The following PPME1 variants were observed in gnomAD, a reference collection of about 807,000 sequenced individuals.
The protein encoded by PPME1 is testicular secretory protein Li 39.
Under a neutral mutation model 56.9 loss-of-function variants are expected in PPME1, and 17 were observed. The observed-to-expected ratio is 0.30, with a 90% confidence interval of 0.20 to 0.45. The LOEUF (loss-of-function observed/expected upper bound fraction) is 0.45. PPME1 is among the 20% of genes least tolerant of loss of function. The pLI is 1.00. For missense variants in PPME1, 357 were observed against 483.2 expected (o/e 0.74, Z 2.45); for synonymous variants, 122 against 156.2 (o/e 0.78, Z 1.63).
chr11:74,231,059 CTTAT>C (rs566820737), intron 7 of PPME1, 57 bp downstream of exon 7: 1,161 of 1,415,090 alleles, frequency 8.2e-4, no homozygotes, highest in Non-Finnish European at 1.0e-3. Context: ...TGTTTGCTTG[CTTAT>C]TTATTTATTT....
intron 1 of PPME1, among the ~76,000 whole-genome samples, chr11:74,175,458 G>A (rs1426131825): frequency 6.6e-6 from 1 of 151,792 alleles, no homozygotes; most frequent in Non-Finnish European, 1.5e-5. Flanking sequence ...CCGAGATCGC[G>A]CCATTGCACT....
rs756849807 is a variant in PPME1 at position 74,235,926 on chromosome 11, C to G, written c.670C>G (p.Leu224Val). The G allele has an allele frequency of 3.7e-6, 6 of 1,612,432 alleles. No homozygotes were observed. In the Admixed American group the frequency reaches 8.4e-5, roughly 22 times the overall value. Residue 224 changes from leucine to valine, a missense_variant, in exon 8 of 14, where the codon CTG becomes GTG. Coordinates refer to ENST00000328257, the MANE Select transcript of PPME1 (RefSeq NM_016147.3). ...WSVKSGQIRN[L>V]ESARVSMVGQ... The stretch of plus-strand genomic sequence containing the variant: ...TGTGAAGAGTGGCCAGATTCGAAAT[C>G]TGGAGTCTGCCCGTGTCTCAATGGT...
At position 74,204,380 on chromosome 11, in the gene PPME1, G is replaced by A. The variant is rs1858267203; in HGVS notation, c.223G>A (p.Glu75Lys). 3 of 1,613,380 alleles carry A rather than the reference G, an allele frequency of 1.9e-6. No individual in the cohort carries two copies. The highest frequency in any genetic ancestry group is 1.7e-6 in the Non-Finnish European group (2 of 1,179,474). Residue 75 changes from glutamate (E) to lysine (K), a missense_variant, in exon 3 of 14, where the codon GAG (glutamate) becomes AAG (lysine). Around this residue, in one of 2 missense-constraint regions of PPME1, gnomAD observed 175 missense variants for 189.4 expected, o/e 0.92. Coordinates refer to ENST00000328257, the MANE Select transcript of PPME1 (RefSeq NM_016147.3). ...TTTTCGAGTCTACAAGAGTGGTTCA[G>A]AGGGTCCAGTCCTGCTCCTTCTGCA... is the stretch of plus-strand genomic sequence containing the variant. ...DTFRVYKSGS[E>K]GPVLLLLHGG...
At chr11:74,233,518 A>C (rs1024245583) in intron 7 of PPME1, among the ~76,000 whole-genome samples, 1 of 152,092 alleles carries the variant, frequency 6.6e-6, no homozygotes, top group Non-Finnish European at 1.5e-5. Flanking sequence ...AGTCATTAAG[A>C]ACCTGGGCTT....
rs915520506 is a variant in PPME1 at position 74,213,011 on chromosome 11, G to A, written c.288+8566G>A. On this transcript the variant is annotated intron_variant, in intron 3 of 13. Transcript: ENST00000328257. Reference sequence around the variant, plus strand: ...TTCATGTTGCAGTTAGGTGCCAGTGGGGTAGAGCACCAGGTGGACTCTTGG... The same window carrying A: ...TTCATGTTGCAGTTAGGTGCCAGTGAGGTAGAGCACCAGGTGGACTCTTGG... 3.3e-5 allele frequency among the ~76,000 whole-genome samples: 5 copies of A among 152,142 alleles called. No homozygotes were observed. In the South Asian group the frequency reaches 1.0e-3, roughly 32 times the overall value.
intron 3 of PPME1, among the ~76,000 whole-genome samples, chr11:74,207,516 G>A (rs1166890626): frequency 6.6e-6 from 1 of 152,180 alleles, no homozygotes; most frequent in Non-Finnish European, 1.5e-5. Flanking sequence ...AAATTATGTT[G>A]TTTTAAAGGA....
In PPME1 at chr11:74,230,446, A is replaced by G; in HGVS notation, c.553+47A>G. On this transcript the variant is annotated intron_variant, in intron 6 of 13. Coordinates refer to ENST00000328257, the MANE Select transcript of PPME1 (RefSeq NM_016147.3). The surrounding 1 kb of genome is among the most constrained non-coding windows in gnomAD (Gnocchi z 4.9). ...CAAATCAGGATTTCACTTATAAGAG[A>G]CATCCTTGGTAGATTATTACCTTGT... 1.3e-6 allele frequency: 2 copies of G among 1,585,516 alleles called. No individual in the cohort carries two copies. Among genetic ancestry groups the G allele is most frequent in the Non-Finnish European group, 1.7e-6 (2 of 1,156,970 alleles).
chr11:74,172,986 A>G (rs1857314281), intron 1 of PPME1, among the ~76,000 whole-genome samples: 1 of 152,158 alleles, frequency 6.6e-6, no homozygotes, highest in East Asian at 1.9e-4. Context: ...GGGGTAAAGG[A>G]ATGGGAAAAA....
At chr11:74,251,617 A>C in intron 12 of PPME1, 31 bp from the exon 13 acceptor site, 1 of 1,608,884 alleles carries the variant, frequency 6.2e-7, no homozygotes. Flanking sequence ...ACTAACCTTT[A>C]TATGGCCTGG....
chr11:74,223,395 A>G (rs1012317669), intron 4 of PPME1, among the ~76,000 whole-genome samples: 6 of 148,938 alleles, frequency 4.0e-5, no homozygotes, highest in African/African-American at 1.3e-4. Flanking sequence ...TAATGCCGCA[A>G]TAAACATACG....
At chr11:74,235,671 T>C (rs960068476) in intron 7 of PPME1, 6 of 560,570 alleles carry the variant, frequency 1.1e-5, no homozygotes, top group African/African-American at 3.8e-5. Context: ...CCTAGTATCC[T>C]CTTGATAAAT....
intron 4 of PPME1, 24 bp from the exon 5 acceptor site, chr11:74,225,181 A>G: frequency 6.8e-7 from 1 of 1,469,726 alleles, no homozygotes; most frequent in Middle Eastern, 1.8e-4. Flanking sequence ...TGGGAATTTT[A>G]TTTTTAAAAT....
Position 74,230,255 on chromosome 11 carries a change from A to G in PPME1, c.409A>G (p.Asn137Asp). Residue 137 changes from asparagine to aspartate, a missense_variant, in exon 6 of 14, where the codon AAT becomes GAT. Asn to Asp is a conservative substitution (Grantham distance 23). Transcript: ENST00000328257. This position sits in a 1 kb window ranked among gnomAD's most constrained non-coding sequence, Gnocchi z 4.9. ...SAETMAKDVG[N>D]VVEAMYGDLP... ...CTCTTCTCTTTGCAGAGACGTTGGCAATGTGGTTGAAGCCATGTATGGGGA... is the reference window on the plus strand; with the variant it reads ...CTCTTCTCTTTGCAGAGACGTTGGCGATGTGGTTGAAGCCATGTATGGGGA... 6.2e-7 allele frequency: 1 copy of G among 1,605,266 alleles called. No homozygotes were observed. Among genetic ancestry groups the G allele is most frequent in the Non-Finnish European group, 8.5e-7 (1 of 1,177,248 alleles).
At chr11:74,172,319 C>G (rs1857274934) in intron 1 of PPME1, among the ~76,000 whole-genome samples, 1 of 152,032 alleles carries the variant, frequency 6.6e-6, no homozygotes, top group African/African-American at 2.4e-5. Flanking sequence ...AAGGAGAGAA[C>G]TGAAGAATTT....
At chr11:74,241,295 C>T (rs114752040) in intron 9 of PPME1, among the ~76,000 whole-genome samples, 1,760 of 152,304 alleles carry the variant, frequency 0.012, 31 homozygotes, top group African/African-American at 0.041. Context: ...AGGGTTCATC[C>T]ATATTGTAGC....
chr11:74,199,327 T>C (rs1192628756), intron 1 of PPME1, among the ~76,000 whole-genome samples: 1 of 152,252 alleles, frequency 6.6e-6, no homozygotes, highest in Admixed American at 6.5e-5. Context: ...TAGATATTTA[T>C]GTACTTAATA....
intron 7 of PPME1, chr11:74,235,626 A>G (rs192877304): frequency 8.1e-6 from 3 of 370,060 alleles, no homozygotes. Flanking sequence ...TTTTCTCCCT[A>G]CCGAATTATG....
chr11:74,199,195 G>C (rs1239428997), intron 1 of PPME1, among the ~76,000 whole-genome samples: 1 of 152,168 alleles, frequency 6.6e-6, no homozygotes, highest in Non-Finnish European at 1.5e-5. Flanking sequence ...AAGTGTGTCT[G>C]TGTGTGTTTT....
At chr11:74,252,256 T>G (rs1027900348) in intron 13 of PPME1, among the ~76,000 whole-genome samples, 8 of 150,836 alleles carry the variant, frequency 5.3e-5, no homozygotes, top group Admixed American at 1.3e-4. Flanking sequence ...TTTTTGTTTT[T>G]TTTTTTTTTT....
Sources: allele counts gnomAD v4.1 joint callset (sites outside exome capture counted in the v4.1 genomes callset), GRCh38; gene constraint gnomAD v4.1.1; regional missense constraint gnomAD v4.1.1; non-coding constraint Gnocchi (gnomAD v3.1); transcripts MANE v1.5; gene names NCBI Gene and HGNC (gene_info 2026-07-23, HGNC 2026-07-21).